Variants in SP6 observed in about 807,000 individuals in gnomAD.
SP6 encodes Sp6 transcription factor.
A neutral mutation model predicts 23.4 loss-of-function variants in SP6; 10 were observed. That is an observed-to-expected ratio of 0.43 (90% CI 0.26 to 0.72). SP6 has a LOEUF of 0.72. SP6 is among the 30% of genes least tolerant of loss of function. The pLI is 0.23. For missense variants in SP6, 482 were observed against 523.8 expected (o/e 0.92, Z 0.78); for synonymous variants, 238 against 238.7 (o/e 1.00, Z 0.03).
At chr17:47,874,661 G>C in the SP6 span, among the ~76,000 whole-genome samples, 1 of 152,142 alleles carries the variant, frequency 6.6e-6, no homozygotes. Context: ...CTGTACGTTT[G>C]CCCTTGCTGA....
the SP6 span, among the ~76,000 whole-genome samples, chr17:47,862,100 G>A: frequency 6.6e-6 from 1 of 150,982 alleles, no homozygotes; most frequent in Admixed American, 6.6e-5. Context: ...AATCCCAGCT[G>A]TTTGAGAGGC....
At chr17:47,872,116 G>A in the SP6 span, among the ~76,000 whole-genome samples, 1 of 150,350 alleles carries the variant, frequency 6.7e-6, no homozygotes, top group African/African-American at 2.4e-5. Flanking sequence ...GCTATCATGG[G>A]GTGTTTTCTC....
At chr17:47,865,322 C>A in the SP6 span, 1 of 152,190 alleles carries the variant, frequency 6.6e-6, no homozygotes, top group Non-Finnish European at 1.5e-5. Flanking sequence ...GGAAGAGAAG[C>A]TTTGGATAGA....
upstream of SP6, among the ~76,000 whole-genome samples, chr17:47,857,647 G>T (rs906592618): frequency 6.6e-6 from 1 of 152,150 alleles, no homozygotes; most frequent in Non-Finnish European, 1.5e-5. Flanking sequence ...TACCTGGCAG[G>T]AGACCCCCTT....
At chr17:47,865,572 G>C in the SP6 span, among the ~76,000 whole-genome samples, 80 of 152,310 alleles carry the variant, frequency 5.3e-4, no homozygotes, top group Middle Eastern at 0.01. Flanking sequence ...GGGAGGCCCA[G>C]AGAAGTTAAG....
rs1159532244 is a variant in SP6 at position 47,847,871 on chromosome 17, C to T, written c.559G>A (p.Asp187Asn). 2 of 1,540,120 alleles carry T rather than the reference C, an allele frequency of 1.3e-6. No homozygotes were observed. Among genetic ancestry groups the T allele is most frequent in the East Asian group, 2.3e-5 (1 of 42,620 alleles). Residue 187 changes from aspartate to asparagine, a missense_variant, in exon 2 of 2, where the codon GAC becomes AAC. Asp to Asn is a conservative substitution (Grantham distance 23). This residue lies in a region of SP6 where 330 missense variants were observed against 332.3 expected (regional missense o/e 0.99). Transcript: ENST00000536300. ...AGGQHLLGPPDGAKALEVAAP... is the reference protein window; with the variant it reads ...AGGQHLLGPPNGAKALEVAAP... The stretch of plus-strand genomic sequence containing the variant: ...GCTACTTCCAAGGCCTTAGCCCCGT[C>T]GGGCGGCCCTAGGAGATGCTGCCCT...
chr17:47,851,868 C>G (rs1410908539), upstream of SP6, among the ~76,000 whole-genome samples: 1 of 151,856 alleles, frequency 6.6e-6, no homozygotes, highest in Non-Finnish European at 1.5e-5. Flanking sequence ...CAGCCTCTGC[C>G]CACCACCGGT....
In SP6 at chr17:47,847,270, A is replaced by G; in HGVS notation, c.*29T>C. 1 of 1,477,412 alleles carries G rather than the reference A, an allele frequency of 6.8e-7. No homozygotes were observed. The highest frequency in any genetic ancestry group is 1.4e-5 in the African/African-American group (1 of 71,052). The allele number at this position is 1,477,412 out of a possible 1,614,324, so 91.5% of individuals were successfully genotyped here. On this transcript the variant is annotated 3_prime_UTR_variant, in exon 2 of 2. Transcript: ENST00000536300. The stretch of plus-strand genomic sequence containing the variant: ...GGGCTCGCATCCAGTGCCCCCCGGG[A>G]TACCCGCAGGGAGGCGGCACTGAGG...
upstream of SP6, among the ~76,000 whole-genome samples, chr17:47,853,085 T>A (rs1376857014): frequency 6.6e-6 from 1 of 152,212 alleles, no homozygotes; most frequent in East Asian, 1.9e-4. Flanking sequence ...TAAGCCTCAG[T>A]TTCTTCCTTG....
chr17:47,874,733 C>A, the SP6 span, among the ~76,000 whole-genome samples: 3 of 152,056 alleles, frequency 2.0e-5, 1 homozygote, highest in South Asian at 6.2e-4. Flanking sequence ...ATTGTGCCCC[C>A]ACCTGCACCC....
chr17:47,861,032 C>G, the SP6 span, among the ~76,000 whole-genome samples: 1 of 152,186 alleles, frequency 6.6e-6, no homozygotes, highest in African/African-American at 2.4e-5. Context: ...ACCTGGCAGG[C>G]GGAATCAGGC....
upstream of SP6, among the ~76,000 whole-genome samples, chr17:47,853,616 C>T (rs1241737942): frequency 4.6e-5 from 7 of 152,166 alleles, no homozygotes; most frequent in Non-Finnish European, 8.8e-5. Context: ...CTGCCTTTTC[C>T]CTGGAAAGCA....
Position 47,846,223 on chromosome 17 carries a change from G to A in SP6, c.*1076C>T, listed in dbSNP as rs1222055594. The A allele has an allele frequency of 1.3e-5, 2 of 152,222 alleles. No individual in the cohort carries two copies. The highest frequency in any genetic ancestry group is 4.8e-5 in the African/African-American group (2 of 41,422). The allele number at this position is 152,222 out of a possible 1,614,324, so 9.4% of individuals were successfully genotyped here. On this transcript the variant is annotated 3_prime_UTR_variant, in exon 2 of 2. Coordinates refer to ENST00000536300, the MANE Select transcript of SP6 (RefSeq NM_001258248.2). ...AGAGACAGTGGGGTTTATTTTCTTGGTGACAGCTAAAGAGATGGTCAGGTA... is the reference window on the plus strand; with the variant it reads ...AGAGACAGTGGGGTTTATTTTCTTGATGACAGCTAAAGAGATGGTCAGGTA...
In SP6 at chr17:47,846,305, C is replaced by T. The variant is rs1425927866; in HGVS notation, c.*994G>A. 1 of 152,188 alleles carries T rather than the reference C, an allele frequency of 6.6e-6. No individual in the cohort carries two copies. Among genetic ancestry groups the T allele is most frequent in the Non-Finnish European group, 1.5e-5 (1 of 68,036 alleles). 9.4% of individuals were successfully genotyped at this position (152,188 alleles called of 1,614,324 possible). A position where few individuals can be genotyped will look rare whatever the true frequency, so the allele number is the denominator to read the frequency against. On this transcript the variant is annotated 3_prime_UTR_variant, in exon 2 of 2. Transcript: ENST00000536300. ...GTGGAGGTCCCTCTGATGAGACACC[C>T]CCAATCTGCCCTCAACCAGCCCAAG...
Position 47,848,262 on chromosome 17 carries a change from C to T in SP6, c.168G>A (p.Pro56=), listed in dbSNP as rs1218908720. 6.2e-7 allele frequency: 1 copy of T among 1,611,528 alleles called. No individual in the cohort carries two copies. The highest frequency in any genetic ancestry group is 8.5e-7 in the Non-Finnish European group (1 of 1,178,842). The change falls in exon 2 of 2, where the codon CCG becomes CCA. Residue 56 remains proline, a synonymous_variant. Coordinates refer to ENST00000536300, the MANE Select transcript of SP6 (RefSeq NM_001258248.2). This position sits in a 1 kb window ranked among gnomAD's most constrained non-coding sequence, Gnocchi z 5.3. ...PLQPGELQSL[P]LGPEVDFSQG... ...GCGAGAAGTCCACCTCCGGGCCCAG[C>T]GGGAGGCTCTGCAGCTCTCCAGGCT...
chr17:47,870,059 G>C, the SP6 span, among the ~76,000 whole-genome samples: 1 of 152,104 alleles, frequency 6.6e-6, no homozygotes, highest in African/African-American at 2.4e-5. Flanking sequence ...TTTCTGGACT[G>C]TGTGTGTGTA....
At chr17:47,872,832 G>C in the SP6 span, among the ~76,000 whole-genome samples, 1 of 152,160 alleles carries the variant, frequency 6.6e-6, no homozygotes. Context: ...AGCCTGATTA[G>C]AGCCGGCCCT....
chr17:47,854,360 T>G (rs145131181), upstream of SP6, among the ~76,000 whole-genome samples: 2 of 152,326 alleles, frequency 1.3e-5, no homozygotes, highest in African/African-American at 4.8e-5. Context: ...GTTGTACAGA[T>G]GAGGAAGCCA....
chr17:47,846,776 C>CA lies in SP6; in HGVS notation c.*522dup, dbSNP rs1192340408. 6.5e-6 allele frequency: 1 copy of CA among 152,872 alleles called. No individual in the cohort carries two copies. The highest frequency in any genetic ancestry group is 1.5e-5 in the Non-Finnish European group (1 of 68,544). The allele number at this position is 152,872 out of a possible 1,614,324, so 9.5% of individuals were successfully genotyped here. A position where few individuals can be genotyped will look rare whatever the true frequency, so the allele number is the denominator to read the frequency against. On this transcript the variant is annotated 3_prime_UTR_variant, in exon 2 of 2. Transcript: ENST00000536300. ...GCCAAGGGGGACCCCCAGGCTCCCC[C>CA]ATCCCATCTCGGCTCTCCCTCCGGA...
Sources: gnomAD v4.1 joint callset for allele counts (sites outside exome capture counted in the v4.1 genomes callset) on GRCh38, gnomAD v4.1.1 for gene constraint, gnomAD v4.1.1 regional missense constraint, Gnocchi (gnomAD v3.1) non-coding constraint, MANE v1.5 for transcripts, NCBI Gene and HGNC (gene_info 2026-07-23, HGNC 2026-07-21) for gene names.